Variants in SEL1L2 observed in about 807,000 individuals in gnomAD.
SEL1L2 encodes SEL1L2 adaptor subunit of SYVN1 ubiquitin ligase.
A neutral mutation model predicts 98.8 loss-of-function variants in SEL1L2; 89 were observed. The observed-to-expected ratio is 0.90, with a 90% CI of 0.76 to 1.07. The LOEUF is 1.07. Ranked by LOEUF, SEL1L2 falls within the 50% of genes least tolerant of loss-of-function variation. The pLI is 0.00. For missense variants in SEL1L2, 788 were observed against 812.0 expected (o/e 0.97, Z 0.36); for synonymous variants, 262 against 278.5 (o/e 0.94, Z 0.59).
At chr20:13,882,121 A>G (rs6105176) in intron 10 of SEL1L2, among the ~76,000 whole-genome samples, 1,694 of 152,316 alleles carry the variant, frequency 0.011, 24 homozygotes, top group African/African-American at 0.039. Flanking sequence ...ATTAAAAAAG[A>G]AAATAAAAAG....
At chr20:13,967,796 T>C (rs149956593) in intron 1 of SEL1L2, among the ~76,000 whole-genome samples, 114 of 152,302 alleles carry the variant, frequency 7.5e-4, no homozygotes, top group African/African-American at 2.6e-3. Context: ...CTTGGTTCCC[T>C]AGAGAGCCAT....
At chr20:13,986,593 G>A (rs1337017441) in intron 1 of SEL1L2, among the ~76,000 whole-genome samples, 2 of 152,090 alleles carry the variant, frequency 1.3e-5, no homozygotes, top group Non-Finnish European at 2.9e-5. Flanking sequence ...TTATGGCTGA[G>A]TAATATTCCA....
intron 1 of SEL1L2, among the ~76,000 whole-genome samples, chr20:13,985,685 T>A (rs1266556074): frequency 6.6e-6 from 1 of 152,208 alleles, no homozygotes; most frequent in African/African-American, 2.4e-5. Flanking sequence ...TAAAGATTTA[T>A]TTTCTCCCTC....
rs542413329 is a variant in SEL1L2, at chr20:13,913,454, G to A, written c.549+328C>T. 56 of 174,006 alleles carry A rather than the reference G, an allele frequency of 3.2e-4. No homozygotes were observed. In the South Asian group the frequency reaches 5.4e-3, roughly 17 times the overall value. The allele number at this position is 174,006 out of a possible 1,614,324, so 10.8% of individuals were successfully genotyped here. ...TGTTATTCTTGGAATAAAATGGAAC[G>A]CATTTATTAAAATAGAAAAGGAATT... On this transcript the variant is annotated intron_variant, in intron 5 of 19. Transcript: ENST00000284951.
intron 12 of SEL1L2, among the ~76,000 whole-genome samples, chr20:13,872,751 G>A (rs1076793): frequency 0.33 from 49,417 of 151,480 alleles, 8,376 homozygotes; most frequent in Middle Eastern, 0.52. Context: ...ACTGTTTAAG[G>A]CCCAGTGTGC....
At chr20:13,887,660 G>C in intron 8 of SEL1L2, 109 bp downstream of exon 8, 1 of 704,986 alleles carries the variant, frequency 1.4e-6, no homozygotes, top group Admixed American at 2.7e-5. Context: ...TATTAAAAAC[G>C]TACACTTTTG....
At chr20:13,940,781 T>A (rs2049734508) in intron 2 of SEL1L2, among the ~76,000 whole-genome samples, 1 of 152,022 alleles carries the variant, frequency 6.6e-6, no homozygotes, top group African/African-American at 2.4e-5. Flanking sequence ...GCACCTGTAA[T>A]CCCAGCTACT....
At chr20:13,920,528 A>G (rs2048613891) in intron 3 of SEL1L2, among the ~76,000 whole-genome samples, 1 of 152,048 alleles carries the variant, frequency 6.6e-6, no homozygotes, top group South Asian at 2.1e-4. Flanking sequence ...TCCTTCCACC[A>G]ATGTGTGCAT....
intron 5 of SEL1L2, among the ~76,000 whole-genome samples, chr20:13,900,453 C>T (rs1238047074): frequency 2.6e-5 from 4 of 152,098 alleles, no homozygotes; most frequent in Non-Finnish European, 5.9e-5. Flanking sequence ...AACTGTTGCA[C>T]CTTGAGTTCT....
chr20:13,909,738 G>A (rs1356902156), intron 5 of SEL1L2, among the ~76,000 whole-genome samples: 1 of 152,074 alleles, frequency 6.6e-6, no homozygotes, highest in Non-Finnish European at 1.5e-5. Flanking sequence ...GGCCAAGGAG[G>A]GCAGATCACC....
chr20:13,866,638 C>A, intron 15 of SEL1L2, 64 bp downstream of exon 15: 1 of 1,270,020 alleles, frequency 7.9e-7, no homozygotes, highest in South Asian at 2.4e-5. Context: ...AATTTAAGAA[C>A]AGTATCACCT....
At chr20:13,973,414 C>A (rs1257931790) in intron 1 of SEL1L2, 1 of 152,244 alleles carries the variant, frequency 6.6e-6, no homozygotes, top group African/African-American at 2.4e-5. Flanking sequence ...GTAAGCACTG[C>A]TGAGTCCTAA....
intron 3 of SEL1L2, among the ~76,000 whole-genome samples, chr20:13,924,003 A>G (rs909183028): frequency 6.6e-6 from 1 of 152,190 alleles, no homozygotes; most frequent in African/African-American, 2.4e-5. Context: ...TGATGGATAC[A>G]TGCTTAGAAT....
In SEL1L2 at chr20:13,865,237, C is replaced by T. The variant is rs377715907; in HGVS notation, c.1575G>A (p.Lys525=). The T allele has an allele frequency of 4.3e-5, 70 of 1,613,314 alleles. No homozygotes were observed. Among genetic ancestry groups the T allele is most frequent in the Non-Finnish European group, 5.9e-5 (69 of 1,179,434 alleles). The change falls in exon 17 of 20, where the codon AAG becomes AAA. Residue 525 remains lysine (K), a synonymous_variant. Transcript: ENST00000284951. ...TCTTCTCTTTTTCAAGAATGTTAGC[C>T]TTTTCTAAAAAGAGGAGACATTCCA... is the stretch of plus-strand genomic sequence containing the variant. ...SNSAFILESK[K]ANILEKEKMY... is the part of the protein sequence containing the mutation.
chr20:13,898,990 C>T (rs760721416), intron 5 of SEL1L2, among the ~76,000 whole-genome samples: 1 of 152,196 alleles, frequency 6.6e-6, no homozygotes, highest in Admixed American at 6.5e-5. Context: ...GATATGCCCA[C>T]CTCAGCCTCC....
At chr20:13,886,139 A>G in intron 9 of SEL1L2, 149 bp downstream of exon 9, 1 of 457,546 alleles carries the variant, frequency 2.2e-6, no homozygotes, top group Non-Finnish European at 3.7e-6. Flanking sequence ...GTAGCAGGGA[A>G]CAAAACAGGA....
chr20:13,923,686 G>A (rs1381291229), intron 3 of SEL1L2, among the ~76,000 whole-genome samples: 1 of 152,130 alleles, frequency 6.6e-6, no homozygotes, highest in East Asian at 1.9e-4. Context: ...CCCGGCAGGT[G>A]GAGTTTGCAG....
intron 18 of SEL1L2, among the ~76,000 whole-genome samples, chr20:13,850,886 G>A (rs1988136018): frequency 6.6e-6 from 1 of 152,172 alleles, no homozygotes; most frequent in Non-Finnish European, 1.5e-5. Flanking sequence ...ACAATCTCCA[G>A]AAAGCTTTCT....
intron 10 of SEL1L2, among the ~76,000 whole-genome samples, chr20:13,879,442 C>A (rs919164451): frequency 1.3e-5 from 2 of 152,042 alleles, no homozygotes; most frequent in African/African-American, 4.8e-5. Context: ...ACCTCCACCT[C>A]CTGGGTTCAA....
Sources: allele counts gnomAD v4.1 joint callset (sites outside exome capture counted in the v4.1 genomes callset), GRCh38; gene constraint gnomAD v4.1.1; transcripts MANE v1.5; gene names NCBI Gene and HGNC (gene_info 2026-07-23, HGNC 2026-07-21).